AP3B1: variants seen among roughly 807,000 people sequenced by gnomAD.
AP3B1 encodes the protein AP-3 complex subunit beta-1.
A neutral mutation model predicts 132.5 loss-of-function variants in AP3B1; 61 were observed. The observed-to-expected ratio is 0.46, with a 90% CI of 0.37 to 0.57. The LOEUF (loss-of-function observed/expected upper bound fraction) is 0.57. Among genes scored for constraint, AP3B1 ranks in the 20% least tolerant of loss-of-function variants. The pLI, the probability that AP3B1 is intolerant of heterozygous loss-of-function variation, is 0.00. For missense variants in AP3B1, 1,120 were observed against 1,289.4 expected, an observed-to-expected ratio of 0.87 and a Z score of 2.01; for synonymous variants, 388 against 438.3, an observed-to-expected ratio of 0.89 and a Z score of 1.43.
intron 24 of AP3B1, among the ~76,000 whole-genome samples, chr5:78,033,361 A>C (rs181391608): frequency 6.6e-6 from 1 of 152,206 alleles, no homozygotes; most frequent in East Asian, 1.9e-4. Flanking sequence ...GCATAAAATC[A>C]ATGTGTTATG....
chr5:78,229,805 A>G (rs761878797), intron 3 of AP3B1, among the ~76,000 whole-genome samples: 1 of 152,142 alleles, frequency 6.6e-6, no homozygotes, highest in Non-Finnish European at 1.5e-5. Flanking sequence ...AAATGAGGGG[A>G]AAAAGTTGGA....
intron 15 of AP3B1, among the ~76,000 whole-genome samples, chr5:78,135,494 G>A (rs1024041103): frequency 2.0e-5 from 3 of 151,992 alleles, no homozygotes; most frequent in Non-Finnish European, 4.4e-5. Flanking sequence ...GGGAAGAAAC[G>A]AACGTGTGAA....
chr5:78,194,759 AAC>A (rs2112440835), intron 7 of AP3B1, among the ~76,000 whole-genome samples: 1 of 152,324 alleles, frequency 6.6e-6, no homozygotes, highest in African/African-American at 2.4e-5. Context: ...CAAAGTCTGA[AAC>A]ATATTTCTAT....
chr5:78,093,176 C>T (rs890090507), intron 21 of AP3B1, among the ~76,000 whole-genome samples: 1 of 152,100 alleles, frequency 6.6e-6, no homozygotes, highest in African/African-American at 2.4e-5. Context: ...GACAACCATA[C>T]AGTTATAAAG....
intron 26 of AP3B1, among the ~76,000 whole-genome samples, chr5:78,010,449 C>T (rs777072987): frequency 3.3e-5 from 5 of 152,138 alleles, no homozygotes; most frequent in Admixed American, 1.3e-4. Flanking sequence ...CAAACTCACA[C>T]ATGATTTTTT....
chr5:78,199,251 T>G (rs1745194551), intron 7 of AP3B1, among the ~76,000 whole-genome samples: 2 of 152,222 alleles, frequency 1.3e-5, no homozygotes. Context: ...AATGCAGCAG[T>G]TTCCAAACTT....
At chr5:78,060,720 G>A (rs1749010696) in intron 22 of AP3B1, among the ~76,000 whole-genome samples, 1 of 151,546 alleles carries the variant, frequency 6.6e-6, no homozygotes, top group Admixed American at 6.6e-5. Context: ...CCAAAGATCA[G>A]AATGTAGTAG....
chr5:78,226,186 G>A (rs1034690835), intron 5 of AP3B1, among the ~76,000 whole-genome samples: 1 of 152,012 alleles, frequency 6.6e-6, no homozygotes, highest in Non-Finnish European at 1.5e-5. Context: ...GGAATATACT[G>A]GTGCCCAATG....
intron 7 of AP3B1, among the ~76,000 whole-genome samples, chr5:78,202,398 C>G (rs899511363): frequency 3.3e-5 from 5 of 152,080 alleles, no homozygotes; most frequent in Non-Finnish European, 5.9e-5. Flanking sequence ...ATACAGATGG[C>G]ACTAACCCTC....
At chr5:78,150,479 T>C (rs1753595594) in intron 14 of AP3B1, among the ~76,000 whole-genome samples, 1 of 151,704 alleles carries the variant, frequency 6.6e-6, no homozygotes, top group Non-Finnish European at 1.5e-5. Flanking sequence ...GGGGAGGGAG[T>C]TTGACGTAAA....
At chr5:78,055,634 T>C (rs1748781575) in intron 22 of AP3B1, among the ~76,000 whole-genome samples, 1 of 152,180 alleles carries the variant, frequency 6.6e-6, no homozygotes, top group Non-Finnish European at 1.5e-5. Flanking sequence ...TAAGCTATAA[T>C]TCCTTTTTCA....
intron 7 of AP3B1, among the ~76,000 whole-genome samples, chr5:78,199,901 G>A (rs1745222634): frequency 6.6e-6 from 1 of 151,742 alleles, no homozygotes; most frequent in African/African-American, 2.4e-5. Context: ...TTTCAAAAAG[G>A]GACTATTTAT....
intron 7 of AP3B1, among the ~76,000 whole-genome samples, chr5:78,207,094 C>A (rs1745537857): frequency 6.6e-6 from 1 of 151,834 alleles, no homozygotes; most frequent in South Asian, 2.1e-4. Context: ...CCCGTCTCTA[C>A]CAGAAACACA....
At chr5:78,244,705 T>C (rs573475986) in intron 2 of AP3B1, among the ~76,000 whole-genome samples, 1 of 151,918 alleles carries the variant, frequency 6.6e-6, no homozygotes, top group East Asian at 2.0e-4. Context: ...ATCCTAAAAG[T>C]AGAAATTGTG....
intron 7 of AP3B1, among the ~76,000 whole-genome samples, chr5:78,185,081 G>C (rs538313490): frequency 6.6e-6 from 1 of 152,128 alleles, no homozygotes; most frequent in African/African-American, 2.4e-5. Flanking sequence ...TGATGGAGAG[G>C]AACTATCAAA....
chr5:78,127,109 G>A (rs192970773), intron 17 of AP3B1, among the ~76,000 whole-genome samples: 23 of 152,198 alleles, frequency 1.5e-4, no homozygotes, highest in African/African-American at 5.5e-4. Context: ...CAAATTACAT[G>A]GCCATGATCA....
intron 22 of AP3B1, among the ~76,000 whole-genome samples, chr5:78,047,086 T>C (rs1748367207): frequency 6.6e-6 from 1 of 152,242 alleles, no homozygotes; most frequent in Admixed American, 6.5e-5. Flanking sequence ...CACATTTTCT[T>C]TATCCAGTCT....
chr5:78,037,290 TC>T (rs766974290), intron 23 of AP3B1, among the ~76,000 whole-genome samples: 79 of 152,254 alleles, frequency 5.2e-4, no homozygotes, highest in Admixed American at 1.0e-3. Context: ...GCTTGACACT[TC>T]CTAAACTAAT....
At chr5:78,193,040 C>T (rs184523294) in intron 7 of AP3B1, among the ~76,000 whole-genome samples, 9 of 152,218 alleles carry the variant, frequency 5.9e-5, no homozygotes, top group Admixed American at 1.3e-4. Flanking sequence ...TCGAGCTTTA[C>T]GGCAGATAAT....
Sources: allele counts gnomAD v4.1 joint callset (sites outside exome capture counted in the v4.1 genomes callset), GRCh38; gene constraint gnomAD v4.1.1; transcripts MANE v1.5; gene names NCBI Gene and HGNC (gene_info 2026-07-23, HGNC 2026-07-21).